The following UBE2E2 variants were observed in gnomAD, a reference collection of about 807,000 sequenced individuals.
The protein encoded by UBE2E2 is ubiquitin-conjugating enzyme E2 E2.
Under a neutral mutation model 24.7 loss-of-function variants are expected in UBE2E2, and 6 were observed. The ratio of observed to expected loss-of-function variants is 0.24; its 90% CI spans 0.13 to 0.48. UBE2E2 has a LOEUF of 0.48. Among genes scored for constraint, UBE2E2 ranks in the 20% least tolerant of loss-of-function variants. The pLI, the probability that UBE2E2 is intolerant of heterozygous loss-of-function variation, is 0.99. For missense variants in UBE2E2, 169 were observed against 245.0 expected, an observed-to-expected ratio of 0.69 and a Z score of 2.07; for synonymous variants, 104 against 83.6, an observed-to-expected ratio of 1.24 and a Z score of -1.33.
At chr3:23,436,997 G>A (rs976139709) in intron 3 of UBE2E2, among the ~76,000 whole-genome samples, 4 of 152,208 alleles carry the variant, frequency 2.6e-5, no homozygotes, top group Admixed American at 2.6e-4. Flanking sequence ...CATAAGAGTT[G>A]TGTAGTGTAA....
intron 3 of UBE2E2, among the ~76,000 whole-genome samples, chr3:23,420,782 C>CCT (rs1559378808): frequency 2.6e-5 from 4 of 152,108 alleles, no homozygotes; most frequent in Non-Finnish European, 5.9e-5. Flanking sequence ...GAAGCCTTTA[C>CCT]CTAATAGTTC....
intron 3 of UBE2E2, among the ~76,000 whole-genome samples, chr3:23,382,026 C>T (rs968814137): frequency 1.4e-4 from 22 of 152,124 alleles, no homozygotes; most frequent in Admixed American, 5.2e-4. Context: ...GGATTATTCT[C>T]GCAACCCACT....
chr3:23,461,710 C>T (rs866293747), intron 3 of UBE2E2, among the ~76,000 whole-genome samples: 1 of 151,994 alleles, frequency 6.6e-6, no homozygotes, highest in African/African-American at 2.4e-5. Context: ...TTCATAAGGT[C>T]TCTAAGACAG....
At chr3:23,550,309 GT>G (rs1291680596) in intron 5 of UBE2E2, among the ~76,000 whole-genome samples, 1 of 152,090 alleles carries the variant, frequency 6.6e-6, no homozygotes, top group Non-Finnish European at 1.5e-5. Context: ...TGTACAAACT[GT>G]ATTCCCCTAT....
chr3:23,499,167 A>T (rs1381350828), intron 3 of UBE2E2, among the ~76,000 whole-genome samples: 1 of 152,192 alleles, frequency 6.6e-6, no homozygotes, highest in Non-Finnish European at 1.5e-5. Context: ...TTCAGATGGG[A>T]TATGATATTT....
chr3:23,481,210 T>C (rs989173040), intron 3 of UBE2E2, among the ~76,000 whole-genome samples: 1 of 152,232 alleles, frequency 6.6e-6, no homozygotes, highest in Non-Finnish European at 1.5e-5. Context: ...TGGTTGTCTA[T>C]AATATATTCT....
At chr3:23,343,439 C>G (rs1265200496) in intron 3 of UBE2E2, among the ~76,000 whole-genome samples, 7 of 151,676 alleles carry the variant, frequency 4.6e-5, no homozygotes, top group African/African-American at 1.7e-4. Context: ...AGCTGGGTGT[C>G]GTGGCACTCA....
At chr3:23,235,201 TA>T (rs1342092503) in intron 3 of UBE2E2, among the ~76,000 whole-genome samples, 1 of 152,136 alleles carries the variant, frequency 6.6e-6, no homozygotes, top group African/African-American at 2.4e-5. Flanking sequence ...GCTGGGGAAG[TA>T]AACAGACATC....
intron 5 of UBE2E2, among the ~76,000 whole-genome samples, chr3:23,588,040 T>C (rs964226911): frequency 6.6e-6 from 1 of 152,238 alleles, no homozygotes; most frequent in African/African-American, 2.4e-5. Flanking sequence ...CTTCAGCAGA[T>C]AGGTTAAAAA....
At chr3:23,357,873 C>T (rs962330661) in intron 3 of UBE2E2, among the ~76,000 whole-genome samples, 1 of 152,160 alleles carries the variant, frequency 6.6e-6, no homozygotes, top group Non-Finnish European at 1.5e-5. Flanking sequence ...AGGTCTCACG[C>T]TATCACCCAG....
At chr3:23,396,142 G>A (rs1697068692) in intron 3 of UBE2E2, among the ~76,000 whole-genome samples, 1 of 151,130 alleles carries the variant, frequency 6.6e-6, no homozygotes, top group South Asian at 2.1e-4. Context: ...TAGTATAATG[G>A]CTATAATTAT....
At chr3:23,388,864 G>A (rs1559369580) in intron 3 of UBE2E2, among the ~76,000 whole-genome samples, 1 of 151,882 alleles carries the variant, frequency 6.6e-6, no homozygotes, top group Non-Finnish European at 1.5e-5. Context: ...AATTAGCTGG[G>A]TGGGGCACAT....
chr3:23,341,153 A>C (rs1225628956), intron 3 of UBE2E2, among the ~76,000 whole-genome samples: 1 of 152,244 alleles, frequency 6.6e-6, no homozygotes, highest in South Asian at 2.1e-4. Flanking sequence ...TTTTCACCCA[A>C]CTGCAGCATT....
chr3:23,446,699 GTTTT>G (rs57327621), intron 3 of UBE2E2, among the ~76,000 whole-genome samples: 3 of 112,216 alleles, frequency 2.7e-5, no homozygotes, highest in African/African-American at 7.3e-5. Flanking sequence ...CGTCTGTTTG[GTTTT>G]TTTTTTTTTT....
At chr3:23,271,078 A>G in intron 3 of UBE2E2, 1 of 455,246 alleles carries the variant, frequency 2.2e-6, no homozygotes, top group African/African-American at 2.0e-5. Context: ...CCAAAAAGTT[A>G]AGATGATAGC....
chr3:23,245,521 T>C (rs1304932882), intron 3 of UBE2E2, among the ~76,000 whole-genome samples: 1 of 152,132 alleles, frequency 6.6e-6, no homozygotes, highest in Non-Finnish European at 1.5e-5. Context: ...ATTGACTGAA[T>C]TGACACAAAA....
chr3:23,241,948 C>G lies in UBE2E2; in HGVS notation c.227+24636C>G, dbSNP rs78208166. Reference sequence around the variant, plus strand: ...TAATATAGAGACAAGGTCTTACTTTCACCCAGGCTGGAGCTCAGTGGCATG... The same window carrying G: ...TAATATAGAGACAAGGTCTTACTTTGACCCAGGCTGGAGCTCAGTGGCATG... On this transcript the variant is annotated intron_variant, in intron 3 of 5. Coordinates refer to ENST00000396703, the MANE Select transcript of UBE2E2 (RefSeq NM_152653.4). 5.1e-3 allele frequency among the ~76,000 whole-genome samples: 775 copies of G among 152,314 alleles called. 8 individuals carry two copies. The highest frequency in any genetic ancestry group is 0.018 in the African/African-American group (741 of 41,560).
At chr3:23,490,592 A>G (rs1206656073) in intron 3 of UBE2E2, among the ~76,000 whole-genome samples, 1 of 152,178 alleles carries the variant, frequency 6.6e-6, no homozygotes, top group African/African-American at 2.4e-5. Flanking sequence ...CGCACGTAAC[A>G]CAAAAAGAGG....
rs1382255550 is a variant in UBE2E2 at position 23,467,005 on chromosome 3, G to A, written c.228-32603G>A. ...AGCAAAAGAACAATTATTTTTCTTGGTAGTTTAAATGAGATCTTGCTATGG... is the reference window on the plus strand; with the variant it reads ...AGCAAAAGAACAATTATTTTTCTTGATAGTTTAAATGAGATCTTGCTATGG... On this transcript the variant is annotated intron_variant, in intron 3 of 5. Coordinates refer to ENST00000396703, the MANE Select transcript of UBE2E2 (RefSeq NM_152653.4). Among the ~76,000 whole-genome samples, 3 of 152,292 alleles carry A rather than the reference G, an allele frequency of 2.0e-5. No individual in the cohort carries two copies. In the East Asian group the frequency reaches 5.8e-4, roughly 29 times the overall value.
Sources: allele counts gnomAD v4.1 joint callset (sites outside exome capture counted in the v4.1 genomes callset), GRCh38; gene constraint gnomAD v4.1.1; transcripts MANE v1.5; gene names NCBI Gene and HGNC (gene_info 2026-07-23, HGNC 2026-07-21).